LIMS1: variants seen among roughly 807,000 people sequenced by gnomAD.
LIMS1 encodes LIM zinc finger domain containing 1, also known as LIM and senescent cell antigen-like-containing domain protein 1.
LIMS1 carries 18 observed loss-of-function variants against 44.1 expected under a neutral mutation model. That is an observed-to-expected ratio of 0.41 (90% CI 0.28 to 0.61). The LOEUF (loss-of-function observed/expected upper bound fraction) is 0.61, where lower values mean the gene tolerates loss of function less well. LIMS1 is among the 20% of genes least tolerant of loss of function. The pLI, the probability that LIMS1 is intolerant of heterozygous loss-of-function variation, is 0.32. For synonymous variants in LIMS1, 93 were observed against 149.1 expected (o/e 0.62, Z 2.74); for missense variants, 201 against 422.0 (o/e 0.48, Z 4.59).
intron 2 of LIMS1, among the ~76,000 whole-genome samples, chr2:108,670,515 C>A: frequency 6.6e-6 from 1 of 152,050 alleles, no homozygotes; most frequent in Non-Finnish European, 1.5e-5. Context: ...GAAAACAATT[C>A]AGCACAGTCA....
At chr2:108,675,848 T>G in intron 5 of LIMS1, 30 bp from the exon 6 acceptor site, 2 of 1,613,884 alleles carry the variant, frequency 1.2e-6, no homozygotes, top group Non-Finnish European at 1.7e-6. Flanking sequence ...TCTCTCTTAG[T>G]ATTAAGCTGT....
At chr2:108,680,019 G>A (rs1692849717) in intron 8 of LIMS1, among the ~76,000 whole-genome samples, 1 of 152,096 alleles carries the variant, frequency 6.6e-6, no homozygotes, top group Non-Finnish European at 1.5e-5. Context: ...GAGCCCAGGA[G>A]TTCAAGACCG....
rs71381966 is a variant in LIMS1 at position 108,549,279 on chromosome 2, CTTTTTTTTTTTTTTT to C, written c.32+14704_32+14718del. Among the ~76,000 whole-genome samples, 18 of 55,790 alleles carry C rather than the reference CTTTTTTTTTTTTTTT, an allele frequency of 3.2e-4. No individual in the cohort carries two copies. The Middle Eastern group carries it at 0.062, about 194-fold the overall frequency. The allele number at this position is 55,790 out of a possible 152,430, so 36.6% of individuals were successfully genotyped here. A position where few individuals can be genotyped will look rare whatever the true frequency, so the allele number is the denominator to read the frequency against. On this transcript the variant is annotated intron_variant, in intron 1 of 9. Coordinates refer to ENST00000544547, the Ensembl canonical transcript of LIMS1. ...ATAATAATGTACAAGTAAAGTGTTT[CTTTTTTTTTTTTTTT>C]TTTTTTTTTTTTTTTTTTGAGATGC...
At chr2:108,555,712 A>G (rs752811325) in intron 1 of LIMS1, among the ~76,000 whole-genome samples, 14 of 152,212 alleles carry the variant, frequency 9.2e-5, no homozygotes, top group Non-Finnish European at 1.9e-4. Flanking sequence ...CTATAAGGGC[A>G]GAGAGTAGAA....
At chr2:108,581,813 T>C (rs1185484772) in intron 1 of LIMS1, among the ~76,000 whole-genome samples, 1 of 151,984 alleles carries the variant, frequency 6.6e-6, no homozygotes, top group African/African-American at 2.4e-5. Flanking sequence ...GGCGCATGCC[T>C]GTAATCCCAG....
At position 108,575,457 on chromosome 2, in the gene LIMS1, G is replaced by A. The variant is rs115504576; in HGVS notation, c.32+40863G>A. Among the ~76,000 whole-genome samples, 1,137 of 152,268 alleles carry A rather than the reference G, an allele frequency of 7.5e-3. 8 individuals are homozygous for A. Among genetic ancestry groups the A allele is most frequent in the Non-Finnish European group, 9.3e-3 (633 of 68,028 alleles). On this transcript the variant is annotated intron_variant, in intron 1 of 9. Transcript: ENST00000544547. The stretch of plus-strand genomic sequence containing the variant: ...GCCTAGCAGGTGCTGTTACTTCTTT[G>A]TTTAAAGCGTGTTAGCCATCCAGAT...
At chr2:108,542,781 C>A (rs1302225995) in intron 1 of LIMS1, among the ~76,000 whole-genome samples, 1 of 152,162 alleles carries the variant, frequency 6.6e-6, no homozygotes, top group Non-Finnish European at 1.5e-5. Flanking sequence ...AGCTTAAACT[C>A]CTCTGTCTTG....
intron 1 of LIMS1, among the ~76,000 whole-genome samples, chr2:108,644,363 G>A (rs1485218060): frequency 2.0e-5 from 3 of 152,200 alleles, no homozygotes; most frequent in African/African-American, 7.2e-5. Flanking sequence ...AGGGTCTGGA[G>A]CGGACCTCCA....
chr2:108,611,249 T>C (rs1294916817), intron 1 of LIMS1, among the ~76,000 whole-genome samples: 2 of 152,186 alleles, frequency 1.3e-5, no homozygotes, highest in Admixed American at 6.5e-5. Context: ...ACTGTTTCAT[T>C]AGATTATTGT....
intron 1 of LIMS1, among the ~76,000 whole-genome samples, chr2:108,622,382 A>G (rs899784961): frequency 6.6e-6 from 1 of 152,200 alleles, no homozygotes; most frequent in Non-Finnish European, 1.5e-5. Context: ...AACAAGGACA[A>G]ATTGACAAGC....
At chr2:108,557,126 A>G (rs904149454) in intron 1 of LIMS1, among the ~76,000 whole-genome samples, 8 of 152,068 alleles carry the variant, frequency 5.3e-5, no homozygotes, top group African/African-American at 1.2e-4. Context: ...CTCCCAGGCT[A>G]GAGTGCAGTA....
intron 1 of LIMS1, chr2:108,621,121 C>G: frequency 1.9e-6 from 1 of 529,596 alleles, no homozygotes; most frequent in Non-Finnish European, 3.1e-6. Flanking sequence ...GTCACCGCTT[C>G]CCCCCTCCCC....
At chr2:108,579,238 T>A (rs1685795014) in intron 1 of LIMS1, among the ~76,000 whole-genome samples, 1 of 152,208 alleles carries the variant, frequency 6.6e-6, no homozygotes, top group South Asian at 2.1e-4. Context: ...ATGGTAATTA[T>A]GTTATTTTAT....
intron 1 of LIMS1, among the ~76,000 whole-genome samples, chr2:108,547,442 A>G (rs1684518251): frequency 6.6e-6 from 1 of 152,178 alleles, no homozygotes; most frequent in South Asian, 2.1e-4. Context: ...TAGTTCTCTC[A>G]TAGCTGGGCC....
chr2:108,583,258 G>T (rs1685959875), intron 1 of LIMS1, among the ~76,000 whole-genome samples: 1 of 150,328 alleles, frequency 6.7e-6, no homozygotes. Context: ...AGGCAGGCTG[G>T]TCTCGAACTC....
At chr2:108,673,298 A>G (rs1189717669) in intron 5 of LIMS1, 3 of 545,488 alleles carry the variant, frequency 5.5e-6, no homozygotes, top group Non-Finnish European at 9.6e-6. Context: ...GTGCCTGTAT[A>G]CGCATACCTC....
At chr2:108,551,923 G>A (rs13400055) in intron 1 of LIMS1, among the ~76,000 whole-genome samples, 73,775 of 132,106 alleles carry the variant, frequency 0.56, 20,998 homozygotes, top group East Asian at 0.93. Flanking sequence ...GTGTATATGT[G>A]TATATATGTG....
chr2:108,671,954 C>T (rs899308352), intron 3 of LIMS1, among the ~76,000 whole-genome samples: 30 of 152,184 alleles, frequency 2.0e-4, no homozygotes, highest in African/African-American at 5.3e-4. Context: ...CCAAGACGGG[C>T]GGATCACCTG....
chr2:108,563,285 T>C (rs1385641588), intron 1 of LIMS1, among the ~76,000 whole-genome samples: 1 of 152,242 alleles, frequency 6.6e-6, no homozygotes, highest in Non-Finnish European at 1.5e-5. Context: ...ATAAATTGCA[T>C]AGGCTATATA....
Sources: gnomAD v4.1 joint callset for allele counts (sites outside exome capture counted in the v4.1 genomes callset) on GRCh38, gnomAD v4.1.1 for gene constraint, MANE v1.5 for transcripts, NCBI Gene and HGNC (gene_info 2026-07-23, HGNC 2026-07-21) for gene names.